ZC3H18: variants seen among roughly 807,000 people sequenced by gnomAD.
The protein encoded by ZC3H18 is zinc finger CCCH domain-containing protein 18.
Under a neutral mutation model 106.1 loss-of-function variants are expected in ZC3H18, and 8 were observed. The observed-to-expected ratio is 0.08, with a 90% confidence interval of 0.04 to 0.14. The LOEUF (loss-of-function observed/expected upper bound fraction) is 0.14. Among genes scored for constraint, ZC3H18 ranks in the 10% least tolerant of loss-of-function variants. The probability of loss-of-function intolerance (pLI) is 1.00; values close to 1 mark genes in which losing one functional copy is unlikely to be tolerated. For synonymous variants in ZC3H18, 635 were observed against 522.1 expected (o/e 1.22, Z -2.95); for missense variants, 1,318 against 1,278.4 (o/e 1.03, Z -0.47).
chr16:88,623,896 G>A, intron 10 of ZC3H18, 62 bp from the exon 11 acceptor site: 3 of 1,539,454 alleles, frequency 1.9e-6, no homozygotes, highest in Non-Finnish European at 2.6e-6. Flanking sequence ...GGTCCTCAGT[G>A]GGCTTGGGCT....
At position 88,631,326 on chromosome 16, in the gene ZC3H18, T is replaced by C; in HGVS notation, c.*27T>C. ...CCGTGCCCCGACCGGACTGGACGCA[T>C]TTTTATACATAGGGTAAGCGCAGCC... is the stretch of plus-strand genomic sequence containing the variant. On this transcript the variant is annotated 3_prime_UTR_variant, in exon 18 of 18. Transcript: ENST00000301011. The C allele has an allele frequency of 6.4e-7, 1 of 1,554,834 alleles. No homozygotes were observed. Among genetic ancestry groups the C allele is most frequent in the Non-Finnish European group, 8.7e-7 (1 of 1,148,860 alleles).
chr16:88,622,244 A>G lies in ZC3H18; in HGVS notation c.1523A>G (p.Gln508Arg), dbSNP rs1366915432. ...PKKEAATTGP[Q>R]VKRADEWKDP... ...AAGGAGGCTGCCACCACGGGGCCGC[A>G]GGTGAAGAGAGCAGATGAGTGGAAG... Residue 508 changes from glutamine to arginine, a missense_variant, in exon 9 of 18, where the codon CAG becomes CGG. Gln to Arg is a conservative substitution (Grantham distance 43). Transcript: ENST00000301011. 6.2e-7 allele frequency: 1 copy of G among 1,613,602 alleles called. No homozygotes were observed. Among genetic ancestry groups the G allele is most frequent in the South Asian group, 1.1e-5 (1 of 91,002 alleles).
At chr16:88,609,545 G>A (rs1905175343) in intron 7 of ZC3H18, among the ~76,000 whole-genome samples, 1 of 151,732 alleles carries the variant, frequency 6.6e-6, no homozygotes, top group Non-Finnish European at 1.5e-5. Context: ...CAAGCAATCC[G>A]CCTGCTTTAG....
chr16:88,590,560 A>ATTTTTTTTTTT (rs1915685593), intron 3 of ZC3H18, among the ~76,000 whole-genome samples: 1 of 24,112 alleles, frequency 4.1e-5, no homozygotes, highest in Non-Finnish European at 9.1e-5. Flanking sequence ...GGGTTTCTTT[A>ATTTTTTTTTTT]TTTCTTTTTT....
Position 88,631,371 on chromosome 16 carries a change from A to G in ZC3H18, c.*72A>G, listed in dbSNP as rs1286091421. The G allele has an allele frequency of 6.5e-7, 1 of 1,527,728 alleles. No individual in the cohort carries two copies. The highest frequency in any genetic ancestry group is 1.4e-5 in the African/African-American group (1 of 72,368). 94.6% of individuals were successfully genotyped at this position (1,527,728 alleles called of 1,614,324 possible). On this transcript the variant is annotated 3_prime_UTR_variant, in exon 18 of 18. Coordinates refer to ENST00000301011, the MANE Select transcript of ZC3H18 (RefSeq NM_144604.4). ...GCAGCCATTTTGGATTTTGCAGTTAATGTCTTATTTTGGCTGTGATTCTTT... is the reference window on the plus strand; with the variant it reads ...GCAGCCATTTTGGATTTTGCAGTTAGTGTCTTATTTTGGCTGTGATTCTTT...
intron 8 of ZC3H18, among the ~76,000 whole-genome samples, chr16:88,614,563 C>A (rs1451802414): frequency 6.6e-6 from 1 of 152,218 alleles, no homozygotes; most frequent in Non-Finnish European, 1.5e-5. Context: ...GAATGGACTT[C>A]CCTAAATGTG....
At chr16:88,614,867 G>C (rs549679494) in intron 8 of ZC3H18, among the ~76,000 whole-genome samples, 197 of 152,282 alleles carry the variant, frequency 1.3e-3, no homozygotes, top group Non-Finnish European at 2.5e-3. Flanking sequence ...CACTGCAAAG[G>C]TGCAGCCCAG....
intron 2 of ZC3H18, among the ~76,000 whole-genome samples, chr16:88,583,787 G>A (rs1380546769): frequency 1.3e-5 from 2 of 152,168 alleles, no homozygotes; most frequent in African/African-American, 2.4e-5. Context: ...GGTGGTGTGT[G>A]TTGAGAGCCC....
intron 2 of ZC3H18, among the ~76,000 whole-genome samples, chr16:88,584,208 G>A (rs1915304798): frequency 6.6e-6 from 1 of 152,116 alleles, no homozygotes. Flanking sequence ...GATCACCTGA[G>A]GTCAGGAGTT....
chr16:88,622,813 A>G (rs1597357525), intron 9 of ZC3H18: 3 of 278,020 alleles, frequency 1.1e-5, no homozygotes, highest in East Asian at 2.0e-4. Flanking sequence ...GATGGAAAGC[A>G]GGGGGCCGGG....
At chr16:88,614,370 T>C (rs560394296) in intron 8 of ZC3H18, among the ~76,000 whole-genome samples, 17 of 152,360 alleles carry the variant, frequency 1.1e-4, no homozygotes, top group Admixed American at 3.9e-4. Context: ...CCTCATCTTG[T>C]CCGTGTGGCT....
rs1206692428 is a variant in ZC3H18 at position 88,611,546 on chromosome 16, G to A, written c.1475+10G>A. On this transcript the variant is annotated intron_variant, in intron 8 of 17. Coordinates refer to ENST00000301011, the MANE Select transcript of ZC3H18 (RefSeq NM_144604.4). ...CCCCGCAGCCGCCAAGGTAGACCCT[G>A]CTTCCTGAAGCCCAGGGGTGTGGGG... The A allele has an allele frequency of 6.5e-7, 1 of 1,548,456 alleles. No homozygotes were observed. Among genetic ancestry groups the A allele is most frequent in the African/African-American group, 1.4e-5 (1 of 72,984 alleles).
intron 10 of ZC3H18, chr16:88,623,614 G>C: frequency 3.4e-6 from 2 of 583,126 alleles, no homozygotes; most frequent in South Asian, 4.3e-5. Flanking sequence ...CAGACAGGCC[G>C]AGGAAGGGGC....
chr16:88,580,565 C>G (rs1915064322), intron 2 of ZC3H18, among the ~76,000 whole-genome samples: 1 of 152,134 alleles, frequency 6.6e-6, no homozygotes, highest in Admixed American at 6.5e-5. Context: ...CTCTCAGGCC[C>G]AGTTCCAAGC....
At chr16:88,615,460 G>A (rs1308753288) in intron 8 of ZC3H18, among the ~76,000 whole-genome samples, 1 of 152,188 alleles carries the variant, frequency 6.6e-6, no homozygotes, top group African/African-American at 2.4e-5. Context: ...CGCACAGGTT[G>A]GTGCTTACCC....
chr16:88,617,677 G>A (rs550846588), intron 8 of ZC3H18, among the ~76,000 whole-genome samples: 3 of 152,312 alleles, frequency 2.0e-5, no homozygotes, highest in South Asian at 4.1e-4. Flanking sequence ...AGGCTCCTGC[G>A]GTGGGGTTGT....
chr16:88,602,633 CAA>C (rs1375679337), intron 6 of ZC3H18, among the ~76,000 whole-genome samples: 5 of 152,226 alleles, frequency 3.3e-5, no homozygotes, highest in Non-Finnish European at 1.5e-5. Context: ...TCCAGGGACA[CAA>C]ATTCTCTGAA....
intron 9 of ZC3H18, chr16:88,622,871 C>T (rs1415885561): frequency 3.1e-6 from 1 of 326,964 alleles, no homozygotes; most frequent in African/African-American, 2.2e-5. Context: ...GGTGGGAGGC[C>T]AGGCTTCACT....
At chr16:88,587,416 C>T in intron 3 of ZC3H18, 4 of 744,702 alleles carry the variant, frequency 5.4e-6, no homozygotes, top group Middle Eastern at 4.7e-4. Context: ...CAGCGTTCCC[C>T]TTGGAAAGGT....
Sources: gnomAD v4.1 joint callset for allele counts (sites outside exome capture counted in the v4.1 genomes callset) on GRCh38, gnomAD v4.1.1 for gene constraint, MANE v1.5 for transcripts, NCBI Gene and HGNC (gene_info 2026-07-23, HGNC 2026-07-21) for gene names.